Variants in RIMBP2 observed in about 807,000 individuals in gnomAD.
RIMBP2 encodes the protein RIMS binding protein 2, also known as RIMS-binding protein 2.
In RIMBP2, 48 loss-of-function variants were observed where a neutral mutation model predicts 118.6. That is an observed-to-expected ratio of 0.40 (90% CI 0.32 to 0.51). RIMBP2 has a LOEUF of 0.51. RIMBP2 is among the 20% of genes least tolerant of loss of function. RIMBP2 has a pLI of 0.41. For missense variants in RIMBP2, 1,551 were observed against 1,768.3 expected (o/e 0.88, Z 2.20); for synonymous variants, 762 against 742.9 (o/e 1.03, Z -0.42).
chr12:130,716,193 T>G (rs976038192), intron 1 of RIMBP2, 29 bp downstream of exon 1: 1 of 151,904 alleles, frequency 6.6e-6, no homozygotes, highest in Non-Finnish European at 1.5e-5. Context: ...GAAGCTATTT[T>G]TAGGAGAAAA....
At chr12:130,692,880 GTAGGGTAGGGTAGGA>G (rs1410298511) in intron 1 of RIMBP2, among the ~76,000 whole-genome samples, 1,616 of 87,232 alleles carry the variant, frequency 0.019, 48 homozygotes, top group African/African-American at 0.075. Context: ...GTAGGGTAGG[GTAGGGTAGGGTAGGA>G]TAGGATAGGG....
chr12:130,397,639 A>G (rs2074163094), intron 22 of RIMBP2, 90 bp from the exon 23 acceptor site: 1 of 396,592 alleles, frequency 2.5e-6, no homozygotes, highest in Non-Finnish European at 4.4e-6. Flanking sequence ...GTTTCCCACC[A>G]GGAAAGGTCA....
intron 4 of RIMBP2, among the ~76,000 whole-genome samples, chr12:130,499,913 A>G (rs7132508): frequency 0.45 from 68,688 of 152,036 alleles, 15,780 homozygotes; most frequent in East Asian, 0.56. Context: ...GAATGAATAT[A>G]TCTTTAGGTG....
At chr12:130,643,967 G>A (rs975851091) in intron 1 of RIMBP2, among the ~76,000 whole-genome samples, 4 of 152,200 alleles carry the variant, frequency 2.6e-5, no homozygotes, top group Non-Finnish European at 4.4e-5. Flanking sequence ...TGAAGCGGAG[G>A]TGGCCATGCT....
In RIMBP2 at chr12:130,692,994, AC is replaced by A. The variant is rs528377367; in HGVS notation, c.-352+23227del. Among the ~76,000 whole-genome samples, 849 of 152,176 alleles carry A rather than the reference AC, an allele frequency of 5.6e-3. 3 individuals carry two copies. The highest frequency in any genetic ancestry group is 8.5e-3 in the South Asian group (41 of 4,814). On this transcript the variant is annotated intron_variant, in intron 1 of 22. Coordinates refer to ENST00000690449, the MANE Select transcript of RIMBP2 (RefSeq NM_001393629.1). ...AGAGTTAGGGAATAGAATGGCAAAC[AC>A]ATTTATAAGTGAGGAACTTGCATCA...
intron 2 of RIMBP2, among the ~76,000 whole-genome samples, chr12:130,627,380 T>C (rs968458506): frequency 1.6e-4 from 25 of 152,238 alleles, no homozygotes; most frequent in African/African-American, 5.3e-4. Flanking sequence ...CAAGATTGTC[T>C]CATGATCACA....
intron 1 of RIMBP2, among the ~76,000 whole-genome samples, chr12:130,656,625 T>G (rs1221353611): frequency 6.6e-6 from 1 of 152,150 alleles, no homozygotes; most frequent in Non-Finnish European, 1.5e-5. Flanking sequence ...CCTCCGCTTG[T>G]GAGCGACCTC....
chr12:130,653,802 G>A (rs1047161116), intron 1 of RIMBP2, among the ~76,000 whole-genome samples: 2 of 152,232 alleles, frequency 1.3e-5, no homozygotes, highest in African/African-American at 4.8e-5. Context: ...AAGCCCCAAA[G>A]GCTAATGGCT....
At chr12:130,686,920 T>C (rs1454689056) in intron 1 of RIMBP2, among the ~76,000 whole-genome samples, 1 of 152,200 alleles carries the variant, frequency 6.6e-6, no homozygotes, top group African/African-American at 2.4e-5. Flanking sequence ...GGCGGCTGTT[T>C]GCACCAACTC....
Position 130,434,959 on chromosome 12 carries a change from C to A in RIMBP2, c.2107-79G>T. The A allele has an allele frequency of 6.8e-7, 1 of 1,465,280 alleles. No homozygotes were observed. The highest frequency in any genetic ancestry group is 2.1e-5 in the Admixed American group (1 of 47,944). The allele number at this position is 1,465,280 out of a possible 1,614,324, so 90.8% of individuals were successfully genotyped here. On this transcript the variant is annotated intron_variant, in intron 13 of 22. Transcript: ENST00000690449. This position sits in a 1 kb window ranked among gnomAD's most constrained non-coding sequence, Gnocchi z 5.7. The stretch of plus-strand genomic sequence containing the variant: ...TCAGCCCCACCTGCATTCACCAAAC[C>A]TTCAGCCCCTCAGAGCCTGGCCAGG...
intron 2 of RIMBP2, among the ~76,000 whole-genome samples, chr12:130,558,957 A>G (rs79863031): frequency 0.063 from 9,569 of 152,272 alleles, 394 homozygotes; most frequent in Non-Finnish European, 0.093. Flanking sequence ...CCTCTTTTTT[A>G]AAAGCTTATT....
intron 2 of RIMBP2, among the ~76,000 whole-genome samples, chr12:130,605,965 G>A (rs2060159522): frequency 6.6e-6 from 1 of 152,164 alleles, no homozygotes. Context: ...CTACTTGGGA[G>A]GCTAAGGCAG....
intron 6 of RIMBP2, among the ~76,000 whole-genome samples, chr12:130,461,929 C>T (rs998858667): frequency 1.5e-4 from 22 of 146,988 alleles, no homozygotes; most frequent in East Asian, 2.1e-4. Flanking sequence ...ATAGCAAGAA[C>T]GGCCTGACAC....
intron 18 of RIMBP2, among the ~76,000 whole-genome samples, chr12:130,413,773 C>T (rs994800272): frequency 6.6e-6 from 1 of 152,062 alleles, no homozygotes; most frequent in Non-Finnish European, 1.5e-5. Flanking sequence ...CCCTCCCTTT[C>T]CCTCTCCCTC....
At chr12:130,463,096 T>C (rs1352824100) in intron 6 of RIMBP2, among the ~76,000 whole-genome samples, 2 of 152,190 alleles carry the variant, frequency 1.3e-5, no homozygotes, top group Non-Finnish European at 2.9e-5. Flanking sequence ...CAATTGCCTA[T>C]GGGGAGGAAT....
chr12:130,505,605 T>C (rs1400024835), intron 4 of RIMBP2, among the ~76,000 whole-genome samples: 1 of 48,174 alleles, frequency 2.1e-5, no homozygotes, highest in Non-Finnish European at 3.8e-5. Context: ...CCCCACTCCC[T>C]CCACTCCCCA....
intron 2 of RIMBP2, among the ~76,000 whole-genome samples, chr12:130,573,130 G>T (rs1282487800): frequency 2.6e-5 from 4 of 152,064 alleles, no homozygotes; most frequent in African/African-American, 9.7e-5. Flanking sequence ...CAACACTGCA[G>T]GCCCCCTATA....
rs2074101232 is a variant in RIMBP2, at chr12:130,396,692, C to G, written c.*669G>C. The G allele has an allele frequency of 6.6e-6, 1 of 152,578 alleles. No homozygotes were observed. Among genetic ancestry groups the G allele is most frequent in the African/African-American group, 2.4e-5 (1 of 41,438 alleles). The allele number at this position is 152,578 out of a possible 1,614,324, so 9.5% of individuals were successfully genotyped here. A position where few individuals can be genotyped will look rare whatever the true frequency, so the allele number is the denominator to read the frequency against. On this transcript the variant is annotated 3_prime_UTR_variant, in exon 23 of 23. Coordinates refer to ENST00000690449, the MANE Select transcript of RIMBP2 (RefSeq NM_001393629.1). ...GTTGGAGTACTGGTGCTTTACCAAACAAAGTTACTTTCTCTCCTTTTCTCT... is the reference window on the plus strand; with the variant it reads ...GTTGGAGTACTGGTGCTTTACCAAAGAAAGTTACTTTCTCTCCTTTTCTCT...
chr12:130,699,431 A>G (rs1377805044), intron 1 of RIMBP2, among the ~76,000 whole-genome samples: 2 of 152,032 alleles, frequency 1.3e-5, no homozygotes, highest in Non-Finnish European at 2.9e-5. Context: ...CTTTGTAGGG[A>G]CATGGATGAA....
Sources: allele counts gnomAD v4.1 joint callset (sites outside exome capture counted in the v4.1 genomes callset), GRCh38; gene constraint gnomAD v4.1.1; non-coding constraint Gnocchi (gnomAD v3.1); transcripts MANE v1.5; gene names NCBI Gene and HGNC (gene_info 2026-07-23, HGNC 2026-07-21).